CNTN4: variants seen among roughly 807,000 people sequenced by gnomAD.
CNTN4 encodes the protein contactin-4.
A neutral mutation model predicts 122.5 loss-of-function variants in CNTN4; 77 were observed. The observed-to-expected ratio is 0.63, with a 90% CI of 0.52 to 0.76. The LOEUF (loss-of-function observed/expected upper bound fraction) is 0.76, where lower values mean the gene tolerates loss of function less well. Ranked by LOEUF, CNTN4 falls within the 30% of genes least tolerant of loss-of-function variation. The pLI is 0.00. For synonymous variants in CNTN4, 512 were observed against 447.0 expected, an observed-to-expected ratio of 1.15 and a Z score of -1.83; for missense variants, 1,256 against 1,259.1, an observed-to-expected ratio of 1.00 and a Z score of 0.04.
At chr3:2,136,068 T>G (rs2034677321) in intron 2 of CNTN4, among the ~76,000 whole-genome samples, 1 of 152,222 alleles carries the variant, frequency 6.6e-6, no homozygotes, top group South Asian at 2.1e-4. Context: ...TATGGGCTCA[T>G]GACCCCAGGT....
chr3:2,294,621 C>T (rs534753657), intron 2 of CNTN4, among the ~76,000 whole-genome samples: 9 of 151,976 alleles, frequency 5.9e-5, no homozygotes, highest in Non-Finnish European at 1.2e-4. Context: ...ACAGTGAGAC[C>T]TGTTTCAAAA....
chr3:2,584,349 T>G (rs1439849255), intron 4 of CNTN4, among the ~76,000 whole-genome samples: 1 of 152,080 alleles, frequency 6.6e-6, no homozygotes, highest in Non-Finnish European at 1.5e-5. Context: ...CAGGTATCTA[T>G]TCTTCCAAGT....
intron 8 of CNTN4, among the ~76,000 whole-genome samples, chr3:2,877,186 C>G (rs2093854269): frequency 6.6e-6 from 1 of 152,208 alleles, no homozygotes; most frequent in Non-Finnish European, 1.5e-5. Flanking sequence ...AAAAGAGTAG[C>G]CTATGAATGT....
At chr3:2,430,080 A>G (rs891827217) in intron 3 of CNTN4, among the ~76,000 whole-genome samples, 1 of 151,822 alleles carries the variant, frequency 6.6e-6, no homozygotes, top group East Asian at 1.9e-4. Context: ...ACTGTCCTGT[A>G]CCCGCTGTCC....
chr3:2,138,240 GT>G (rs1229810741), intron 2 of CNTN4, among the ~76,000 whole-genome samples: 1 of 151,788 alleles, frequency 6.6e-6, no homozygotes, highest in African/African-American at 2.4e-5. Flanking sequence ...TAATTTTTGT[GT>G]TTTTTTACTA....
intron 2 of CNTN4, among the ~76,000 whole-genome samples, chr3:2,235,024 A>T (rs2039627214): frequency 6.6e-6 from 1 of 152,156 alleles, no homozygotes; most frequent in Non-Finnish European, 1.5e-5. Context: ...GTTCTTATTT[A>T]TCTTGGCTTA....
At chr3:2,137,198 C>T (rs772446704) in intron 2 of CNTN4, among the ~76,000 whole-genome samples, 3 of 152,172 alleles carry the variant, frequency 2.0e-5, no homozygotes, top group Non-Finnish European at 4.4e-5. Flanking sequence ...CTGAGGTCAT[C>T]TAGCTGTATC....
chr3:2,580,270 C>G (rs542825151), intron 4 of CNTN4, among the ~76,000 whole-genome samples: 1 of 152,178 alleles, frequency 6.6e-6, no homozygotes, highest in African/African-American at 2.4e-5. Flanking sequence ...CTCCTGGCAG[C>G]AAGGCAGCTA....
At chr3:2,629,748 C>A (rs1268117824) in intron 4 of CNTN4, among the ~76,000 whole-genome samples, 1 of 152,148 alleles carries the variant, frequency 6.6e-6, no homozygotes, top group Admixed American at 6.5e-5. Context: ...CCTGCTTGCA[C>A]TGATGCTGTG....
At chr3:2,911,315 G>T (rs1017412175) in intron 12 of CNTN4, among the ~76,000 whole-genome samples, 2 of 152,158 alleles carry the variant, frequency 1.3e-5, no homozygotes, top group Non-Finnish European at 2.9e-5. Context: ...CACAGTACCT[G>T]ATAAAGACAC....
intron 2 of CNTN4, among the ~76,000 whole-genome samples, chr3:2,132,146 G>T (rs75351037): frequency 0.05 from 7,639 of 152,206 alleles, 283 homozygotes; most frequent in Non-Finnish European, 0.076. Flanking sequence ...TCATTATGCT[G>T]TGAGGAAGTC....
At chr3:2,842,116 A>T (rs148144032) in intron 7 of CNTN4, among the ~76,000 whole-genome samples, 1 of 152,190 alleles carries the variant, frequency 6.6e-6, no homozygotes, top group East Asian at 1.9e-4. Context: ...CATAAGGGCA[A>T]CGGAAAGCCA....
chr3:2,619,153 A>G lies in CNTN4; in HGVS notation c.55+47595A>G, dbSNP rs57649250. On this transcript the variant is annotated intron_variant, in intron 4 of 24. Coordinates refer to ENST00000418658, the MANE Select transcript of CNTN4 (RefSeq NM_175607.3). ...GTCTTTTTTACTTTGTGTCTTCAGC[A>G]TCCTTTAGGCTACTCCCTGTCGTCT... 9.9e-3 allele frequency among the ~76,000 whole-genome samples: 1,503 copies of G among 152,306 alleles called. 26 individuals are homozygous for G. Among genetic ancestry groups the G allele is most frequent in the African/African-American group, 0.034 (1,431 of 41,560 alleles).
chr3:2,331,805 T>C (rs1033761689), intron 2 of CNTN4, among the ~76,000 whole-genome samples: 4 of 152,082 alleles, frequency 2.6e-5, no homozygotes, highest in Admixed American at 1.3e-4. Flanking sequence ...GGAGACTGTT[T>C]GGGAAAGGGT....
intron 3 of CNTN4, among the ~76,000 whole-genome samples, chr3:2,362,901 C>A (rs138315418): frequency 1.9e-3 from 294 of 152,296 alleles, no homozygotes; most frequent in African/African-American, 5.1e-3. Flanking sequence ...TTAGGGAGAA[C>A]AACTATTATA....
At chr3:2,118,574 A>T (rs555016049) in intron 2 of CNTN4, among the ~76,000 whole-genome samples, 1 of 152,382 alleles carries the variant, frequency 6.6e-6, no homozygotes, top group East Asian at 1.9e-4. Context: ...TGTAAGTTAT[A>T]TATTATTCAT....
chr3:2,384,458 C>G (rs1475214714), intron 3 of CNTN4, among the ~76,000 whole-genome samples: 1 of 152,118 alleles, frequency 6.6e-6, no homozygotes, highest in Admixed American at 6.5e-5. Flanking sequence ...GCAAGGGAAA[C>G]TGCTTAGATT....
rs192130391 is a variant in CNTN4, at chr3:2,405,333, C to G, written c.-89+66100C>G. Among the ~76,000 whole-genome samples, 410 of 152,192 alleles carry G rather than the reference C, an allele frequency of 2.7e-3. 4 individuals carry two copies. The highest frequency in any genetic ancestry group is 9.1e-3 in the African/African-American group (379 of 41,532). On this transcript the variant is annotated intron_variant, in intron 3 of 24. Coordinates refer to ENST00000418658, the MANE Select transcript of CNTN4 (RefSeq NM_175607.3). Reference sequence around the variant, plus strand: ...GACTCATATCTTGGTATTTAAATATCAGTTCTTCAAATGCTCTTTGAAGTA... The same window carrying G: ...GACTCATATCTTGGTATTTAAATATGAGTTCTTCAAATGCTCTTTGAAGTA...
At chr3:2,407,132 A>G (rs2047066805) in intron 3 of CNTN4, among the ~76,000 whole-genome samples, 1 of 152,196 alleles carries the variant, frequency 6.6e-6, no homozygotes, top group African/African-American at 2.4e-5. Flanking sequence ...ACAACAGCGG[A>G]CAAGGGAAAA....
Sources: allele counts gnomAD v4.1 joint callset (sites outside exome capture counted in the v4.1 genomes callset), GRCh38; gene constraint gnomAD v4.1.1; transcripts MANE v1.5; gene names NCBI Gene and HGNC (gene_info 2026-07-23, HGNC 2026-07-21).